The following CNTN4 variants were observed in gnomAD, a reference collection of about 807,000 sequenced individuals.
CNTN4 encodes contactin 4.
In CNTN4, 77 loss-of-function variants were observed where a neutral mutation model predicts 122.5. The ratio of observed to expected loss-of-function variants is 0.63; its 90% confidence interval spans 0.52 to 0.76. CNTN4 has a LOEUF of 0.76. Ranked by LOEUF, CNTN4 falls within the 30% of genes least tolerant of loss-of-function variation. The pLI is 0.00. For missense variants in CNTN4, 1,256 were observed against 1,259.1 expected, an observed-to-expected ratio of 1.00 and a Z score of 0.04; for synonymous variants, 512 against 447.0, an observed-to-expected ratio of 1.15 and a Z score of -1.83.
chr3:3,032,996 C>G (rs1312728599), intron 16 of CNTN4, among the ~76,000 whole-genome samples: 1 of 152,192 alleles, frequency 6.6e-6, no homozygotes, highest in African/African-American at 2.4e-5. Flanking sequence ...TGTCCAAACT[C>G]ATACCAGCCC....
intron 13 of CNTN4, among the ~76,000 whole-genome samples, chr3:2,973,205 C>G (rs1451346233): frequency 6.6e-6 from 1 of 151,998 alleles, no homozygotes; most frequent in African/African-American, 2.4e-5. Context: ...AGGAGGATTG[C>G]TGTAAGGACT....
chr3:2,947,214 G>T (rs969388923), intron 13 of CNTN4, among the ~76,000 whole-genome samples: 3 of 152,134 alleles, frequency 2.0e-5, no homozygotes, highest in Non-Finnish European at 4.4e-5. Flanking sequence ...CTCTATCAAA[G>T]AGTGAAAATA....
At chr3:2,155,530 C>T (rs1246956453) in intron 2 of CNTN4, among the ~76,000 whole-genome samples, 1 of 152,182 alleles carries the variant, frequency 6.6e-6, no homozygotes, top group African/African-American at 2.4e-5. Flanking sequence ...TTTTGCCTGA[C>T]TTGACTGAAA....
intron 3 of CNTN4, among the ~76,000 whole-genome samples, chr3:2,473,882 CAT>C (rs1401208793): frequency 1.4e-4 from 22 of 152,058 alleles, no homozygotes; most frequent in Non-Finnish European, 2.1e-4. Context: ...TGTGGTGGTG[CAT>C]GCCTGTAATC....
chr3:2,710,610 G>C lies in CNTN4; in HGVS notation c.56-25605G>C, dbSNP rs188099858. ...TAATATGGAGAAAGTGTCCAATCTT[G>C]TGGTCTGTCTTCAACTAATTTTAGA... On this transcript the variant is annotated intron_variant, in intron 4 of 24. Transcript: ENST00000418658. Among the ~76,000 whole-genome samples, 209 of 152,198 alleles carry C rather than the reference G, an allele frequency of 1.4e-3. 3 individuals carry two copies. The highest frequency in any genetic ancestry group is 3.7e-4 in the Non-Finnish European group (25 of 68,014).
At chr3:2,135,746 T>A (rs1459718109) in intron 2 of CNTN4, among the ~76,000 whole-genome samples, 4 of 152,172 alleles carry the variant, frequency 2.6e-5, no homozygotes, top group African/African-American at 9.6e-5. Flanking sequence ...GTAGCTCTAA[T>A]TGCCTGACCT....
intron 14 of CNTN4, among the ~76,000 whole-genome samples, chr3:3,018,753 T>G (rs149015375): frequency 6.6e-6 from 1 of 152,158 alleles, no homozygotes; most frequent in Non-Finnish European, 1.5e-5. Context: ...TGACCCTCAG[T>G]AACAATGAGC....
intron 6 of CNTN4, among the ~76,000 whole-genome samples, chr3:2,808,595 A>G (rs2092527177): frequency 6.6e-6 from 1 of 152,130 alleles, no homozygotes; most frequent in Admixed American, 6.6e-5. Context: ...ATCACAAATA[A>G]TAGGCCCATG....
chr3:2,339,748 A>C (rs2044111273), intron 3 of CNTN4, among the ~76,000 whole-genome samples: 1 of 148,916 alleles, frequency 6.7e-6, no homozygotes, highest in Non-Finnish European at 1.5e-5. Context: ...GTAAAACAGT[A>C]AAATGGTTAT....
intron 4 of CNTN4, among the ~76,000 whole-genome samples, chr3:2,674,794 A>G (rs76750274): frequency 6.8e-6 from 1 of 146,952 alleles, no homozygotes; most frequent in Non-Finnish European, 1.5e-5. Flanking sequence ...AAAAAAAAAA[A>G]CCATTAACTG....
chr3:2,604,197 T>C (rs1037868000), intron 4 of CNTN4, among the ~76,000 whole-genome samples: 1 of 152,188 alleles, frequency 6.6e-6, no homozygotes, highest in African/African-American at 2.4e-5. Flanking sequence ...ACCATGTGTT[T>C]TTGTATAAAT....
intron 23 of CNTN4, among the ~76,000 whole-genome samples, chr3:3,045,398 C>T (rs1202032282): frequency 1.3e-5 from 2 of 152,228 alleles, no homozygotes; most frequent in Non-Finnish European, 2.9e-5. Flanking sequence ...CAGACTGACA[C>T]CTCACACAGC....
intron 6 of CNTN4, among the ~76,000 whole-genome samples, chr3:2,799,135 C>A (rs1221016681): frequency 2.6e-5 from 4 of 152,070 alleles, no homozygotes. Context: ...CATTTGTATG[C>A]CTTCTTTTGA....
intron 4 of CNTN4, among the ~76,000 whole-genome samples, chr3:2,659,966 T>A (rs1162695233): frequency 6.6e-6 from 1 of 152,230 alleles, no homozygotes; most frequent in Non-Finnish European, 1.5e-5. Context: ...ACCTTGTACA[T>A]GAAATCCTAT....
At chr3:2,930,807 A>G (rs758267529) in intron 13 of CNTN4, among the ~76,000 whole-genome samples, 6 of 152,004 alleles carry the variant, frequency 3.9e-5, no homozygotes, top group African/African-American at 9.7e-5. Flanking sequence ...AGAGAGAGAG[A>G]AAAAAAAGGA....
intron 13 of CNTN4, among the ~76,000 whole-genome samples, chr3:2,928,700 C>T (rs2094494631): frequency 6.6e-6 from 1 of 152,106 alleles, no homozygotes; most frequent in Non-Finnish European, 1.5e-5. Flanking sequence ...GATCAAGCCC[C>T]TTTTATTAAT....
At chr3:2,456,182 T>C (rs2048992747) in intron 3 of CNTN4, among the ~76,000 whole-genome samples, 1 of 152,022 alleles carries the variant, frequency 6.6e-6, no homozygotes, top group Non-Finnish European at 1.5e-5. Flanking sequence ...TCTTTTACCA[T>C]ACAAACTTGC....
intron 13 of CNTN4, among the ~76,000 whole-genome samples, chr3:2,940,800 A>T (rs894407992): frequency 2.0e-5 from 3 of 152,188 alleles, no homozygotes; most frequent in Non-Finnish European, 4.4e-5. Flanking sequence ...TATGAGAGTC[A>T]AGGTCATCTT....
chr3:2,758,665 C>T (rs887645447), intron 6 of CNTN4, among the ~76,000 whole-genome samples: 2 of 152,034 alleles, frequency 1.3e-5, no homozygotes, highest in Non-Finnish European at 1.5e-5. Flanking sequence ...CATCACCACA[C>T]GCAGCTGATT....
Sources: allele counts gnomAD v4.1 joint callset (sites outside exome capture counted in the v4.1 genomes callset), GRCh38; gene constraint gnomAD v4.1.1; transcripts MANE v1.5; gene names NCBI Gene and HGNC (gene_info 2026-07-23, HGNC 2026-07-21).